Variants in PCDHA9 observed in about 807,000 individuals in gnomAD.
PCDHA9 encodes the protein protocadherin alpha 9.
A neutral mutation model predicts 62.0 loss-of-function variants in PCDHA9; 62 were observed. The observed-to-expected ratio is 1.00, with a 90% CI of 0.81 to 1.23. The LOEUF (loss-of-function observed/expected upper bound fraction) is 1.23. PCDHA9 is among the 50% of genes most tolerant of loss of function. PCDHA9 has a pLI of 0.00. For synonymous variants in PCDHA9, 557 were observed against 567.6 expected, an observed-to-expected ratio of 0.98 and a Z score of 0.27; for missense variants, 1,205 against 1,249.8, an observed-to-expected ratio of 0.96 and a Z score of 0.54.
At chr5:140,881,623 A>G (rs1179461885) in intron 1 of PCDHA9, among the ~76,000 whole-genome samples, 1 of 152,188 alleles carries the variant, frequency 6.6e-6, no homozygotes, top group East Asian at 1.9e-4. Flanking sequence ...TCAAAATCTG[A>G]TATATCAGTT....
intron 3 of PCDHA9, among the ~76,000 whole-genome samples, chr5:140,992,421 A>C (rs1412648457): frequency 6.6e-6 from 1 of 152,164 alleles, no homozygotes; most frequent in African/African-American, 2.4e-5. Flanking sequence ...CAGGTCTAAG[A>C]ATATTGTTCC....
intron 1 of PCDHA9, among the ~76,000 whole-genome samples, chr5:140,965,185 C>T (rs1348990210): frequency 6.6e-6 from 1 of 152,138 alleles, no homozygotes; most frequent in Non-Finnish European, 1.5e-5. Flanking sequence ...TTTTTTTGCA[C>T]ATGAGGCAAT....
chr5:140,882,133 G>A, intron 1 of PCDHA9: 1 of 1,483,612 alleles, frequency 6.7e-7, no homozygotes, highest in Non-Finnish European at 9.0e-7. Flanking sequence ...TCTTCCTGCA[G>A]AAAATATAGC....
intron 1 of PCDHA9, chr5:140,966,461 C>A: frequency 2.3e-6 from 1 of 429,006 alleles, no homozygotes; most frequent in East Asian, 3.5e-5. Flanking sequence ...CCCCCTCTGT[C>A]TTCCCTTCTG....
At chr5:140,945,158 G>C in intron 1 of PCDHA9, among the ~76,000 whole-genome samples, 1 of 151,932 alleles carries the variant, frequency 6.6e-6, no homozygotes, top group Non-Finnish European at 1.5e-5. Flanking sequence ...ATACACTATT[G>C]AACTATCTGA....
intron 1 of PCDHA9, chr5:140,857,657 C>T (rs1207727837): frequency 1.9e-6 from 3 of 1,596,740 alleles, no homozygotes; most frequent in Non-Finnish European, 1.7e-6. Context: ...GGTGAGCGCG[C>T]GCGATGGGGG....
intron 1 of PCDHA9, among the ~76,000 whole-genome samples, chr5:140,931,556 A>T (rs2153608416): frequency 6.6e-6 from 1 of 152,166 alleles, no homozygotes; most frequent in East Asian, 1.9e-4. Context: ...ATGTGCAGGA[A>T]TATTGTACCA....
intron 1 of PCDHA9, among the ~76,000 whole-genome samples, chr5:140,945,754 G>T (rs1206591237): frequency 1.3e-5 from 2 of 152,078 alleles, no homozygotes; most frequent in African/African-American, 4.8e-5. Context: ...TTCAATAAAT[G>T]GTGGTGGGAC....
At chr5:141,008,784 A>G (rs541946217) in intron 3 of PCDHA9, among the ~76,000 whole-genome samples, 2 of 152,320 alleles carry the variant, frequency 1.3e-5, no homozygotes, top group East Asian at 3.9e-4. Flanking sequence ...ATTGGCTCCC[A>G]GTGTTTTATC....
intron 1 of PCDHA9, among the ~76,000 whole-genome samples, chr5:140,972,660 ATT>A (rs11350929): frequency 0.036 from 4,256 of 117,216 alleles, 192 homozygotes; most frequent in African/African-American, 0.13. Context: ...AAGAAACCAA[ATT>A]TTTTTTTTTT....
intron 3 of PCDHA9, among the ~76,000 whole-genome samples, chr5:141,000,500 T>A (rs1440390927): frequency 5.7e-5 from 8 of 140,516 alleles, no homozygotes; most frequent in Non-Finnish European, 1.2e-4. Context: ...AGATCTCGGC[T>A]CACTGCAACC....
chr5:141,011,102 CT>C lies in PCDHA9; in HGVS notation c.*1166del, dbSNP rs2098419453. The C allele has an allele frequency of 1.3e-5, 2 of 153,744 alleles. No homozygotes were observed. The highest frequency in any genetic ancestry group is 6.5e-5 in the Admixed American group (1 of 15,280). The allele number at this position is 153,744 out of a possible 1,614,324, so 9.5% of individuals were successfully genotyped here. On this transcript the variant is annotated 3_prime_UTR_variant, in exon 4 of 4. Transcript: ENST00000532602. ...ATGATCTCTCTTTCTCTCTCTCTCT[CT>C]CTTTTCTAAGAAACAATTATGTGCA...
Position 140,966,822 on chromosome 5 carries a change from C to A in PCDHA9, c.2395-12127C>A, listed in dbSNP as rs1329460642. 9 of 1,558,948 alleles carry A rather than the reference C, an allele frequency of 5.8e-6. No individual in the cohort carries two copies. In the Admixed American group the frequency reaches 7.5e-5, roughly 13 times the overall value. On this transcript the variant is annotated intron_variant, in intron 1 of 3. Transcript: ENST00000532602. ...ACAGAGCATCCACGGCTCCGGCGGC[C>A]CATGCCCTGGCTGCTGCTACTGCCT... is the stretch of plus-strand genomic sequence containing the variant.
intron 1 of PCDHA9, among the ~76,000 whole-genome samples, chr5:140,894,820 C>A (rs149254580): frequency 3.2e-4 from 49 of 152,072 alleles, no homozygotes; most frequent in African/African-American, 1.2e-3. Flanking sequence ...ATCAGATTTG[C>A]CCATAATCCT....
chr5:140,921,741 A>G (rs1437643098), intron 1 of PCDHA9, among the ~76,000 whole-genome samples: 1 of 152,202 alleles, frequency 6.6e-6, no homozygotes, highest in Non-Finnish European at 1.5e-5. Context: ...AATTATAAGC[A>G]TAACAGGACA....
chr5:140,974,182 A>G (rs2096618692), intron 1 of PCDHA9, among the ~76,000 whole-genome samples: 1 of 152,248 alleles, frequency 6.6e-6, no homozygotes, highest in Non-Finnish European at 1.5e-5. Context: ...AACTTGACAA[A>G]TGCAAAGGAA....
At chr5:140,949,634 G>A (rs1172841481) in intron 1 of PCDHA9, among the ~76,000 whole-genome samples, 3 of 151,562 alleles carry the variant, frequency 2.0e-5, no homozygotes, top group East Asian at 1.9e-4. Flanking sequence ...ATGGCATATT[G>A]CTTTTTGTTC....
Position 140,849,999 on chromosome 5 carries a change from C to A in PCDHA9, c.1504C>A (p.Arg502Ser). 6.3e-7 allele frequency: 1 copy of A among 1,597,044 alleles called. No homozygotes were observed. The highest frequency in any genetic ancestry group is 2.2e-5 in the East Asian group (1 of 44,834). Residue 502 changes from arginine to serine, a missense_variant, in exon 1 of 4, where the codon CGC (arginine) becomes AGC (serine). Transcript: ENST00000532602. ...YSLVERRLGERSLSSYVSVHA... is the reference protein window; with the variant it reads ...YSLVERRLGESSLSSYVSVHA... ...GCTGGTGGAGCGGCGGTTGGGCGAG[C>A]GCTCGCTGTCGAGCTACGTGTCAGT... is the stretch of plus-strand genomic sequence containing the variant.
chr5:140,873,172 G>A (rs545473160), intron 1 of PCDHA9, among the ~76,000 whole-genome samples: 1 of 152,202 alleles, frequency 6.6e-6, no homozygotes, highest in African/African-American at 2.4e-5. Flanking sequence ...GAGAGCTTTT[G>A]TATCATAATA....
Sources: gnomAD v4.1 joint callset for allele counts (sites outside exome capture counted in the v4.1 genomes callset) on GRCh38, gnomAD v4.1.1 for gene constraint, MANE v1.5 for transcripts, NCBI Gene and HGNC (gene_info 2026-07-23, HGNC 2026-07-21) for gene names.